The following EVC2 variants were observed in gnomAD, a reference collection of about 807,000 sequenced individuals.
The protein encoded by EVC2 is limbin.
EVC2 carries 148 observed loss-of-function variants against 149.3 expected under a neutral mutation model. The observed-to-expected ratio is 0.99, with a 90% CI of 0.87 to 1.14. EVC2 has a LOEUF of 1.14. EVC2 is among the 50% of genes most tolerant of loss of function. The pLI, the probability that EVC2 is intolerant of heterozygous loss-of-function variation, is 0.00. For missense variants in EVC2, 1,854 were observed against 1,627.3 expected (o/e 1.14, Z -2.40); for synonymous variants, 776 against 649.9 (o/e 1.19, Z -2.95).
At chr4:5,533,647 A>T in the EVC2 span, among the ~76,000 whole-genome samples, 1 of 152,324 alleles carries the variant, frequency 6.6e-6, no homozygotes, top group South Asian at 2.1e-4. Flanking sequence ...AGCTGTGGAT[A>T]AGAGCTTGTT....
chr4:5,696,011 A>C lies in EVC2; in HGVS notation c.284-1510T>G, dbSNP rs1721454369. Among the ~76,000 whole-genome samples the C allele has an allele frequency of 6.6e-6, 1 of 152,172 alleles. No individual in the cohort carries two copies. On this transcript the variant is annotated intron_variant, in intron 2 of 21. Coordinates refer to ENST00000344408, the MANE Select transcript of EVC2 (RefSeq NM_147127.5). This position sits in a 1 kb window ranked among gnomAD's most constrained non-coding sequence, Gnocchi z 4.1. ...TGGGATAAGGGCTCCAATTGCATCA[A>C]GCATCGGGGAACTGATGGCCCTCGC...
chr4:5,635,819 C>T (rs756893886), intron 10 of EVC2, among the ~76,000 whole-genome samples: 1 of 152,178 alleles, frequency 6.6e-6, no homozygotes, highest in Non-Finnish European at 1.5e-5. Flanking sequence ...GGCAGAAAAG[C>T]AGCGGGGAGA....
intron 16 of EVC2, among the ~76,000 whole-genome samples, chr4:5,605,084 C>G (rs528852251): frequency 6.6e-6 from 1 of 152,242 alleles, no homozygotes; most frequent in South Asian, 2.1e-4. Context: ...TTTCTTTTCC[C>G]TAGCTTACTT....
chr4:5,622,853 C>A lies in EVC2; in HGVS notation c.2185G>T (p.Asp729Tyr). 1 of 1,614,144 alleles carries A rather than the reference C, an allele frequency of 6.2e-7. No individual in the cohort carries two copies. The highest frequency in any genetic ancestry group is 8.5e-7 in the Non-Finnish European group (1 of 1,180,046). Reference protein sequence around the residue: ...ATLEELQERLDQAALDDLRTL... With the variant: ...ATLEELQERLYQAALDDLRTL... Reference sequence around the variant, plus strand: ...CTGAGATCGTCCAGGGCGGCCTGGTCCAGACGCTCCTGCAGCTCCTCCAGG... The same window carrying A: ...CTGAGATCGTCCAGGGCGGCCTGGTACAGACGCTCCTGCAGCTCCTCCAGG... The change falls in exon 14 of 22, where the codon GAC becomes TAC. Residue 729 changes from aspartate to tyrosine, a missense_variant. Asp to Tyr is a radical substitution (Grantham distance 160). Coordinates refer to ENST00000344408, the MANE Select transcript of EVC2 (RefSeq NM_147127.5). The surrounding 1 kb of genome is among the most constrained non-coding windows in gnomAD (Gnocchi z 5.8).
rs778746884 is a variant in EVC2, at chr4:5,622,544, T to G, written c.2494A>C (p.Ile832Leu). ...QAELRRWEHL[I>L]FMKLCSSVFS... ...ACCCGCAAAGGCACTCACATGAAGA[T>G]CAGGTGCTCCCAGCGTCGCAGCTCT... Residue 832 changes from isoleucine to leucine, a missense_variant, in exon 14 of 22, where the codon ATC (isoleucine) becomes CTC (leucine). Transcript: ENST00000344408. This position sits in a 1 kb window ranked among gnomAD's most constrained non-coding sequence, Gnocchi z 5.8. The G allele has an allele frequency of 6.2e-7, 1 of 1,613,656 alleles. No homozygotes were observed. Among genetic ancestry groups the G allele is most frequent in the Non-Finnish European group, 8.5e-7 (1 of 1,179,888 alleles).
At position 5,576,985 on chromosome 4, in the gene EVC2, C is replaced by T. The variant is rs150896578; in HGVS notation, c.3058-531G>A. The stretch of plus-strand genomic sequence containing the variant: ...ATATGGTGGGGTATCTGCATGCACC[C>T]GGCATGGACGAAAGCCAGGCTGGAA... On this transcript the variant is annotated intron_variant, in intron 17 of 21. Coordinates refer to ENST00000344408, the MANE Select transcript of EVC2 (RefSeq NM_147127.5). The surrounding 1 kb of genome is among the most constrained non-coding windows in gnomAD (Gnocchi z 4.5). 4.4e-4 allele frequency among the ~76,000 whole-genome samples: 67 copies of T among 152,332 alleles called. No individual in the cohort carries two copies. Among genetic ancestry groups the T allele is most frequent in the African/African-American group, 1.3e-3 (56 of 41,568 alleles).
At chr4:5,651,017 T>C (rs1399522681) in intron 9 of EVC2, among the ~76,000 whole-genome samples, 2 of 152,088 alleles carry the variant, frequency 1.3e-5, no homozygotes, top group Non-Finnish European at 2.9e-5. Flanking sequence ...GGAAACATGA[T>C]AAACACGTGG....
downstream of EVC2, among the ~76,000 whole-genome samples, chr4:5,541,315 C>T (rs1721509652): frequency 2.0e-5 from 3 of 152,154 alleles, no homozygotes; most frequent in Non-Finnish European, 1.5e-5. Context: ...GACAGTCCAG[C>T]GCCAGGCTGC....
At chr4:5,639,475 C>G (rs1377315304) in intron 10 of EVC2, among the ~76,000 whole-genome samples, 2 of 152,246 alleles carry the variant, frequency 1.3e-5, no homozygotes, top group Non-Finnish European at 2.9e-5. Context: ...CCTATGAGAA[C>G]TCCAACTGAG....
Position 5,689,354 on chromosome 4 carries a change from A to C in EVC2, c.520-11T>G. On this transcript the variant is annotated splice_polypyrimidine_tract_variant and intron_variant, in intron 4 of 21. Transcript: ENST00000344408. ...ACTCGACCCAGACACCTAGGGCAGAAGGAGAAGGCATGAGGGCAGATTTGC... is the reference window on the plus strand; with the variant it reads ...ACTCGACCCAGACACCTAGGGCAGACGGAGAAGGCATGAGGGCAGATTTGC... The C allele has an allele frequency of 6.2e-7, 1 of 1,613,864 alleles. No individual in the cohort carries two copies. Among genetic ancestry groups the C allele is most frequent in the Non-Finnish European group, 8.5e-7 (1 of 1,180,014 alleles).
intron 16 of EVC2, among the ~76,000 whole-genome samples, chr4:5,587,394 C>T (rs1243774677): frequency 2.0e-5 from 3 of 152,158 alleles, no homozygotes; most frequent in East Asian, 1.9e-4. Context: ...TCTTTTACTT[C>T]GCATAATGTT....
intron 7 of EVC2, among the ~76,000 whole-genome samples, chr4:5,675,337 T>G (rs1433848278): frequency 6.6e-6 from 1 of 152,208 alleles, no homozygotes; most frequent in Admixed American, 6.5e-5. Context: ...AATTAGGAAA[T>G]TCATCTTTGT....
intron 9 of EVC2, among the ~76,000 whole-genome samples, chr4:5,645,493 T>A (rs890245626): frequency 1.9e-4 from 29 of 152,292 alleles, no homozygotes; most frequent in African/African-American, 6.3e-4. Flanking sequence ...CTCCCACTTA[T>A]AAGTGAGAAT....
rs749573522 is a variant in EVC2, at chr4:5,691,351, A to C, written c.451-18T>G. On this transcript the variant is annotated intron_variant, in intron 3 of 21. Transcript: ENST00000344408. ...TCCCCATACTACAATAAAATGTAAA[A>C]GTTATTAGAAAATGAGAAATATTTC... 1 of 1,593,052 alleles carries C rather than the reference A, an allele frequency of 6.3e-7. No individual in the cohort carries two copies. Among genetic ancestry groups the C allele is most frequent in the Non-Finnish European group, 8.6e-7 (1 of 1,161,610 alleles).
At chr4:5,570,023 T>C (rs904391143) in intron 19 of EVC2, among the ~76,000 whole-genome samples, 2 of 152,156 alleles carry the variant, frequency 1.3e-5, no homozygotes, top group Non-Finnish European at 2.9e-5. Context: ...CTCCAGCGCA[T>C]TCTTTTGGAC....
chr4:5,593,442 T>C (rs1288254727), intron 16 of EVC2, among the ~76,000 whole-genome samples: 1 of 152,064 alleles, frequency 6.6e-6, no homozygotes, highest in African/African-American at 2.4e-5. Context: ...TCTTAGGAGG[T>C]GAGAATTAAA....
intron 2 of EVC2, 118 bp downstream of exon 2, chr4:5,697,475 A>C (rs534710320): frequency 4.8e-6 from 5 of 1,037,872 alleles, no homozygotes; most frequent in Admixed American, 1.9e-5. Flanking sequence ...CTACTTGCCC[A>C]AAGTAGAGAG....
chr4:5,669,328 C>T lies in EVC2; in HGVS notation c.871-3679G>A, dbSNP rs1485389100. Among the ~76,000 whole-genome samples, 8 of 152,284 alleles carry T rather than the reference C, an allele frequency of 5.3e-5. No individual in the cohort carries two copies. In the South Asian group the frequency reaches 1.5e-3, roughly 28 times the overall value. On this transcript the variant is annotated intron_variant, in intron 7 of 21. Transcript: ENST00000344408. ...CAATCTTCTGTAATCCTGTGGAACACGTATCATCCCTGTTCTACTGATAGA... is the reference window on the plus strand; with the variant it reads ...CAATCTTCTGTAATCCTGTGGAACATGTATCATCCCTGTTCTACTGATAGA...
rs1391006365 is a variant in EVC2 at position 5,696,936 on chromosome 4, C to G, written c.283+657G>C. Among the ~76,000 whole-genome samples, 1 of 152,144 alleles carries G rather than the reference C, an allele frequency of 6.6e-6. No homozygotes were observed. The highest frequency in any genetic ancestry group is 1.5e-5 in the Non-Finnish European group (1 of 68,034). Reference sequence around the variant, plus strand: ...TAAGGGCTTCGAGATGGGGAGATTGCCTGGATTATCCTGGTGGGCCCTAAA... The same window carrying G: ...TAAGGGCTTCGAGATGGGGAGATTGGCTGGATTATCCTGGTGGGCCCTAAA... On this transcript the variant is annotated intron_variant, in intron 2 of 21. Coordinates refer to ENST00000344408, the MANE Select transcript of EVC2 (RefSeq NM_147127.5). This position sits in a 1 kb window ranked among gnomAD's most constrained non-coding sequence, Gnocchi z 4.1.
Sources: gnomAD v4.1 joint callset for allele counts (sites outside exome capture counted in the v4.1 genomes callset) on GRCh38, gnomAD v4.1.1 for gene constraint, Gnocchi (gnomAD v3.1) non-coding constraint, MANE v1.5 for transcripts, NCBI Gene and HGNC (gene_info 2026-07-23, HGNC 2026-07-21) for gene names.